INPP4B: variants seen among roughly 807,000 people sequenced by gnomAD.
INPP4B encodes inositol polyphosphate-4-phosphatase type II B.
Under a neutral mutation model 122.5 loss-of-function variants are expected in INPP4B, and 55 were observed. That is an observed-to-expected ratio of 0.45 (90% CI 0.36 to 0.56). The LOEUF is 0.56. INPP4B is among the 20% of genes least tolerant of loss of function. The probability of loss-of-function intolerance (pLI) is 0.00; values close to 1 mark genes in which losing one functional copy is unlikely to be tolerated. For synonymous variants in INPP4B, 403 were observed against 388.7 expected, an observed-to-expected ratio of 1.04 and a Z score of -0.43; for missense variants, 1,000 against 1,097.7, an observed-to-expected ratio of 0.91 and a Z score of 1.26.
At chr4:142,806,132 A>T (rs1470819982) in intron 1 of INPP4B, among the ~76,000 whole-genome samples, 4 of 151,936 alleles carry the variant, frequency 2.6e-5, no homozygotes. Flanking sequence ...ACAAGAAATA[A>T]GCCGGGCATG....
intron 3 of INPP4B, among the ~76,000 whole-genome samples, chr4:142,451,850 T>C (rs370129125): frequency 6.6e-6 from 1 of 152,178 alleles, no homozygotes; most frequent in African/African-American, 2.4e-5. Context: ...GTTCTGTTAT[T>C]CACTCGTTTC....
intron 18 of INPP4B, among the ~76,000 whole-genome samples, chr4:142,128,613 C>T (rs1799773731): frequency 6.6e-6 from 1 of 152,116 alleles, no homozygotes; most frequent in Admixed American, 6.6e-5. Flanking sequence ...AGAATCTTTC[C>T]TCGGGAAAAC....
intron 19 of INPP4B, among the ~76,000 whole-genome samples, chr4:142,124,055 T>A (rs1269067551): frequency 1.3e-5 from 2 of 152,028 alleles, no homozygotes; most frequent in Non-Finnish European, 2.9e-5. Context: ...GGCCTTGGCA[T>A]TATGAATCAT....
intron 9 of INPP4B, among the ~76,000 whole-genome samples, chr4:142,277,499 CT>C (rs1749106686): frequency 6.6e-6 from 1 of 151,792 alleles, no homozygotes; most frequent in East Asian, 1.9e-4. Flanking sequence ...AAAAGTAGAT[CT>C]ACCATTTGAT....
At chr4:142,252,232 A>G (rs1047824549) in intron 11 of INPP4B, among the ~76,000 whole-genome samples, 2 of 135,014 alleles carry the variant, frequency 1.5e-5, no homozygotes, top group Non-Finnish European at 3.1e-5. Context: ...TCTGTCGCCC[A>G]GGCTGGAGTG....
chr4:142,214,012 C>G (rs971113883), intron 12 of INPP4B, among the ~76,000 whole-genome samples: 2 of 152,100 alleles, frequency 1.3e-5, no homozygotes, highest in African/African-American at 4.8e-5. Flanking sequence ...TGCTTGAGCC[C>G]AAATGTATGG....
intron 2 of INPP4B, among the ~76,000 whole-genome samples, chr4:142,614,073 A>G (rs74408055): frequency 0.027 from 4,058 of 152,286 alleles, 76 homozygotes; most frequent in Non-Finnish European, 0.041. Context: ...GTGCTGGTAT[A>G]AAAATAGATG....
chr4:142,106,441 C>G (rs756713674), intron 23 of INPP4B, among the ~76,000 whole-genome samples: 9 of 152,002 alleles, frequency 5.9e-5, no homozygotes, highest in Non-Finnish European at 1.3e-4. Flanking sequence ...CCACCATGCC[C>G]GGCTAATTTT....
chr4:142,505,701 G>A (rs983454336), intron 2 of INPP4B, among the ~76,000 whole-genome samples: 1 of 152,126 alleles, frequency 6.6e-6, no homozygotes, highest in Non-Finnish European at 1.5e-5. Flanking sequence ...GAAAGGTGGA[G>A]AGCAAGATGA....
chr4:142,674,245 C>T (rs752294208), intron 2 of INPP4B, among the ~76,000 whole-genome samples: 27 of 152,176 alleles, frequency 1.8e-4, no homozygotes, highest in Non-Finnish European at 3.2e-4. Flanking sequence ...AGAGTACTTT[C>T]CAATAAACTT....
chr4:142,712,778 G>A (rs1763276176), intron 2 of INPP4B, among the ~76,000 whole-genome samples: 1 of 152,116 alleles, frequency 6.6e-6, no homozygotes, highest in Non-Finnish European at 1.5e-5. Context: ...CCTAGGGAGA[G>A]GAAAGAAAAC....
rs144653520 is a variant in INPP4B at position 142,581,045 on chromosome 4, G to C, written c.-190-118319C>G. Among the ~76,000 whole-genome samples, 499 of 152,096 alleles carry C rather than the reference G, an allele frequency of 3.3e-3. 7 individuals are homozygous for C. Among genetic ancestry groups the C allele is most frequent in the East Asian group, 0.018 (92 of 5,152 alleles). Reference sequence around the variant, plus strand: ...TGAGATTTCTGGAAGAAATATGTCAGAAATACATGTGGACTTATTTCTTGA... The same window carrying C: ...TGAGATTTCTGGAAGAAATATGTCACAAATACATGTGGACTTATTTCTTGA... On this transcript the variant is annotated intron_variant, in intron 2 of 25. Coordinates refer to ENST00000262992, the MANE Select transcript of INPP4B (RefSeq NM_001101669.3).
At chr4:142,334,986 C>T (rs1194878642) in intron 7 of INPP4B, among the ~76,000 whole-genome samples, 2 of 151,598 alleles carry the variant, frequency 1.3e-5, no homozygotes. Context: ...GGAGCATCTA[C>T]ATCTGGGGCA....
chr4:142,377,207 T>A (rs1037708542), intron 7 of INPP4B, among the ~76,000 whole-genome samples: 3 of 151,952 alleles, frequency 2.0e-5, no homozygotes, highest in Non-Finnish European at 2.9e-5. Flanking sequence ...TAAACATTGG[T>A]CCATTTCACG....
chr4:142,825,777 G>A (rs1176233239), intron 1 of INPP4B, among the ~76,000 whole-genome samples: 1 of 151,818 alleles, frequency 6.6e-6, no homozygotes, highest in East Asian at 1.9e-4. Context: ...GCTCTGAAAG[G>A]ATAAAATATA....
intron 1 of INPP4B, among the ~76,000 whole-genome samples, chr4:142,844,947 TTC>T (rs1784007155): frequency 6.6e-6 from 1 of 152,200 alleles, no homozygotes; most frequent in Non-Finnish European, 1.5e-5. Flanking sequence ...TATAAACAAG[TTC>T]TGTCTGTCAT....
intron 7 of INPP4B, chr4:142,317,541 G>T: frequency 4.3e-6 from 1 of 233,274 alleles, no homozygotes; most frequent in South Asian, 7.4e-5. Flanking sequence ...ACTGAAAGTT[G>T]GCTGACACAA....
At chr4:142,163,700 G>A (rs1011854551) in intron 16 of INPP4B, among the ~76,000 whole-genome samples, 3 of 151,690 alleles carry the variant, frequency 2.0e-5, no homozygotes, top group Admixed American at 6.6e-5. Flanking sequence ...ACAGGGCTTG[G>A]TACTATCAGG....
At chr4:142,773,123 A>G (rs922131536) in intron 1 of INPP4B, among the ~76,000 whole-genome samples, 1 of 152,138 alleles carries the variant, frequency 6.6e-6, no homozygotes, top group Non-Finnish European at 1.5e-5. Flanking sequence ...AATCTTAAGG[A>G]CTTAGGAAAT....
Sources: gnomAD v4.1 joint callset for allele counts (sites outside exome capture counted in the v4.1 genomes callset) on GRCh38, gnomAD v4.1.1 for gene constraint, MANE v1.5 for transcripts, NCBI Gene and HGNC (gene_info 2026-07-23, HGNC 2026-07-21) for gene names.